The following ZNF143 variants were observed in gnomAD, a reference collection of about 807,000 sequenced individuals.
The protein encoded by ZNF143 is zinc finger protein 143, also known as SPH-binding factor.
A neutral mutation model predicts 74.1 loss-of-function variants in ZNF143; 49 were observed. That is an observed-to-expected ratio of 0.66 (90% CI 0.53 to 0.84). The LOEUF (loss-of-function observed/expected upper bound fraction) is 0.84. Among genes scored for constraint, ZNF143 ranks in the 40% least tolerant of loss-of-function variants. ZNF143 has a pLI of 0.00. For synonymous variants in ZNF143, 304 were observed against 282.8 expected, an observed-to-expected ratio of 1.07 and a Z score of -0.75; for missense variants, 637 against 793.4, an observed-to-expected ratio of 0.80 and a Z score of 2.37.
chr11:9,517,312 T>C (rs1368724395), intron 14 of ZNF143, among the ~76,000 whole-genome samples: 1 of 152,228 alleles, frequency 6.6e-6, no homozygotes, highest in Non-Finnish European at 1.5e-5. Flanking sequence ...CTGTTTTTTT[T>C]TTAAGCTGCA....
chr11:9,481,698 G>A (rs1206052497), intron 7 of ZNF143, among the ~76,000 whole-genome samples: 1 of 151,840 alleles, frequency 6.6e-6, no homozygotes, highest in South Asian at 2.1e-4. Flanking sequence ...GACCAACCTG[G>A]CCAACATGGC....
intron 7 of ZNF143, among the ~76,000 whole-genome samples, chr11:9,486,341 TTA>T (rs1291569303): frequency 6.0e-5 from 5 of 82,958 alleles, no homozygotes; most frequent in African/African-American, 2.4e-4. Flanking sequence ...GCTAATTATA[TTA>T]TATATATATT....
intron 11 of ZNF143, among the ~76,000 whole-genome samples, chr11:9,506,594 A>G (rs1401890320): frequency 1.3e-5 from 2 of 152,230 alleles, no homozygotes; most frequent in African/African-American, 2.4e-5. Context: ...CCCAGGCATC[A>G]GGGTGTATTT....
intron 1 of ZNF143, 69 bp downstream of exon 1, chr11:9,461,145 G>T: frequency 8.4e-6 from 8 of 956,664 alleles, no homozygotes; most frequent in Non-Finnish European, 1.0e-5. Flanking sequence ...TCAGCGCGGC[G>T]GCGCGGGCCC....
intron 7 of ZNF143, among the ~76,000 whole-genome samples, chr11:9,487,663 A>T (rs1565040670): frequency 1.3e-5 from 2 of 152,176 alleles, no homozygotes; most frequent in Non-Finnish European, 2.9e-5. Flanking sequence ...GGCCAAGGTT[A>T]TGTCTTAATT....
In ZNF143 at chr11:9,497,729, G is replaced by T; in HGVS notation, c.896G>T (p.Cys299Phe). 1 of 1,606,286 alleles carries T rather than the reference G, an allele frequency of 6.2e-7. No homozygotes were observed. The highest frequency in any genetic ancestry group is 8.5e-7 in the Non-Finnish European group (1 of 1,174,520). Residue 299 changes from cysteine (C) to phenylalanine (F), a missense_variant, in exon 10 of 16, where the codon TGT (cysteine) becomes TTT (phenylalanine). Transcript: ENST00000396602. ...CATACAGGAGAAAAGCCATATCGGT[G>T]TTCGGAAGATAATTGTACTAAATCT... The part of the protein sequence containing the change: ...RTHTGEKPYR[C>F]SEDNCTKSFK...
intron 10 of ZNF143, 151 bp downstream of exon 10, chr11:9,497,951 T>C (rs1020590679): frequency 1.9e-5 from 10 of 534,912 alleles, no homozygotes; most frequent in Non-Finnish European, 2.5e-5. Flanking sequence ...CTGCCTCAGC[T>C]TCCCAAGTAG....
chr11:9,472,110 G>A (rs1289055496), intron 2 of ZNF143, among the ~76,000 whole-genome samples: 2 of 150,708 alleles, frequency 1.3e-5, no homozygotes, highest in African/African-American at 4.9e-5. Flanking sequence ...TTTATTTTTA[G>A]TAGAGACAGG....
At chr11:9,512,697 C>A in intron 13 of ZNF143, 101 bp downstream of exon 13, 1 of 1,473,792 alleles carries the variant, frequency 6.8e-7, no homozygotes. Flanking sequence ...AATATCAGGG[C>A]ACAAAGTTTG....
chr11:9,501,462 A>G (rs1309399767), intron 11 of ZNF143, among the ~76,000 whole-genome samples, 192 bp downstream of exon 11: 4 of 152,238 alleles, frequency 2.6e-5, no homozygotes, highest in East Asian at 3.8e-4. Flanking sequence ...GTTATTGAGT[A>G]TCTCCTGCCA....
chr11:9,471,199 C>G (rs1856545093), intron 1 of ZNF143, 103 bp from the exon 2 acceptor site: 1 of 934,542 alleles, frequency 1.1e-6, no homozygotes, highest in Non-Finnish European at 1.6e-6. Flanking sequence ...ATTTCCAACA[C>G]CATTACATCC....
rs1053072557 is a variant in ZNF143, at chr11:9,468,599, C to CT, written c.-7-2702dup. ...GCATCATATGGAGTCTGCGAGAACT[C>CT]TATCTCATTTGCTAGCACGTTCTAA... is the stretch of plus-strand genomic sequence containing the variant. On this transcript the variant is annotated intron_variant, in intron 1 of 15. Coordinates refer to ENST00000396602, the MANE Select transcript of ZNF143 (RefSeq NM_003442.6). 2.6e-5 allele frequency among the ~76,000 whole-genome samples: 4 copies of CT among 152,330 alleles called. No individual in the cohort carries two copies. The East Asian group carries it at 5.8e-4, about 22-fold the overall frequency.
intron 12 of ZNF143, among the ~76,000 whole-genome samples, chr11:9,510,035 T>A (rs1224186382): frequency 1.3e-5 from 2 of 152,304 alleles, no homozygotes; most frequent in Non-Finnish European, 2.9e-5. Context: ...GATATCAGAC[T>A]TAAGTTTGCA....
intron 7 of ZNF143, among the ~76,000 whole-genome samples, chr11:9,487,070 A>G (rs1273963471): frequency 7.6e-6 from 1 of 131,640 alleles, no homozygotes; most frequent in Non-Finnish European, 1.6e-5. Context: ...AGGTTCAAGC[A>G]ATTCTCCTGC....
chr11:9,462,260 CT>C (rs67444530), intron 1 of ZNF143, among the ~76,000 whole-genome samples: 61,263 of 144,126 alleles, frequency 0.43, 13,265 homozygotes, highest in Non-Finnish European at 0.51. Flanking sequence ...ACTTGAGTGC[CT>C]TTTTTTTTTT....
At position 9,511,102 on chromosome 11, in the gene ZNF143, CTTTT is replaced by C. The variant is rs777285359; in HGVS notation, c.1376-1324_1376-1321del. On this transcript the variant is annotated intron_variant, in intron 12 of 15. Coordinates refer to ENST00000396602, the MANE Select transcript of ZNF143 (RefSeq NM_003442.6). ...TAGTCTTAACCACTTTTAACAGCTT[CTTTT>C]TTTTTTTTTTTTTTTTTTTTTGAGA... 7.1e-5 allele frequency among the ~76,000 whole-genome samples: 5 copies of C among 70,788 alleles called. No individual in the cohort carries two copies. In the South Asian group the frequency reaches 1.7e-3, roughly 24 times the overall value. The allele number at this position is 70,788 out of a possible 152,430, so 46.4% of individuals were successfully genotyped here. A position where few individuals can be genotyped will look rare whatever the true frequency, so the allele number is the denominator to read the frequency against.
intron 7 of ZNF143, among the ~76,000 whole-genome samples, chr11:9,484,037 C>T (rs1158200993): frequency 6.6e-6 from 1 of 151,532 alleles, no homozygotes; most frequent in Non-Finnish European, 1.5e-5. Flanking sequence ...CGTGAGCCAC[C>T]ACACCCAGCT....
At chr11:9,477,163 CTT>C (rs1856966323) in intron 5 of ZNF143, among the ~76,000 whole-genome samples, 1 of 134,284 alleles carries the variant, frequency 7.4e-6, no homozygotes. Context: ...TCCTTCCTTC[CTT>C]CCTTCCTCCT....
chr11:9,490,335 G>T (rs1847725933), intron 7 of ZNF143, among the ~76,000 whole-genome samples: 1 of 142,174 alleles, frequency 7.0e-6, no homozygotes, highest in Admixed American at 7.5e-5. Context: ...TGTTACCCAG[G>T]CTGGGTGGCA....
Sources: gnomAD v4.1 joint callset for allele counts (sites outside exome capture counted in the v4.1 genomes callset) on GRCh38, gnomAD v4.1.1 for gene constraint, MANE v1.5 for transcripts, NCBI Gene and HGNC (gene_info 2026-07-23, HGNC 2026-07-21) for gene names.